MEI4: variants seen among roughly 807,000 people sequenced by gnomAD.
MEI4 encodes the protein meiotic double-stranded break formation protein 4.
A neutral mutation model predicts 31.4 loss-of-function variants in MEI4; 27 were observed. The observed-to-expected ratio is 0.86, with a 90% CI of 0.63 to 1.19. The LOEUF is 1.19. Among genes scored for constraint, MEI4 ranks in the 50% most tolerant of loss-of-function variants. The pLI is 0.00. For missense variants in MEI4, 329 were observed against 398.9 expected (o/e 0.82, Z 1.49); for synonymous variants, 122 against 145.4 (o/e 0.84, Z 1.16).
At chr6:77,906,095 A>G (rs922403059) in intron 4 of MEI4, among the ~76,000 whole-genome samples, 5 of 152,268 alleles carry the variant, frequency 3.3e-5, no homozygotes, top group Non-Finnish European at 5.9e-5. Context: ...GATTTCAATA[A>G]ACTAATTCTG....
chr6:77,695,404 A>G (rs1766000717), intron 2 of MEI4, among the ~76,000 whole-genome samples: 1 of 152,168 alleles, frequency 6.6e-6, no homozygotes, highest in Admixed American at 6.5e-5. Flanking sequence ...TAGGTCTAAC[A>G]TGTAAGTCTT....
intron 4 of MEI4, among the ~76,000 whole-genome samples, chr6:77,900,485 C>T (rs1319013503): frequency 1.3e-5 from 2 of 151,846 alleles, no homozygotes; most frequent in Non-Finnish European, 2.9e-5. Context: ...CAAGAACATA[C>T]GTGCTCCCCT....
chr6:77,879,048 G>C (rs1363956561), intron 4 of MEI4, among the ~76,000 whole-genome samples: 1 of 152,000 alleles, frequency 6.6e-6, no homozygotes, highest in Non-Finnish European at 1.5e-5. Context: ...AAGGAGACCA[G>C]ATATTTATTC....
intron 4 of MEI4, among the ~76,000 whole-genome samples, chr6:77,919,076 T>G (rs922689199): frequency 6.6e-6 from 1 of 151,956 alleles, no homozygotes; most frequent in African/African-American, 2.4e-5. Flanking sequence ...ACTGTCAACA[T>G]TAGACAGATC....
chr6:77,857,976 C>T (rs533985754), intron 4 of MEI4, among the ~76,000 whole-genome samples: 1 of 152,178 alleles, frequency 6.6e-6, no homozygotes, highest in Admixed American at 6.5e-5. Context: ...TGGGTGTGTA[C>T]TTTTTAGTAA....
intron 3 of MEI4, among the ~76,000 whole-genome samples, chr6:77,800,503 G>C (rs531222428): frequency 1.3e-5 from 2 of 152,110 alleles, no homozygotes; most frequent in African/African-American, 4.8e-5. Flanking sequence ...CTGCCTGATT[G>C]CCATGGCAGA....
chr6:77,678,251 T>G (rs1056436994), intron 1 of MEI4, among the ~76,000 whole-genome samples: 3 of 152,220 alleles, frequency 2.0e-5, no homozygotes, highest in African/African-American at 7.2e-5. Context: ...CAGATGTCCC[T>G]TCTGCTGCTA....
At chr6:77,730,636 T>G in intron 2 of MEI4, among the ~76,000 whole-genome samples, 1 of 151,824 alleles carries the variant, frequency 6.6e-6, no homozygotes, top group East Asian at 1.9e-4. Flanking sequence ...TTTTATTTAT[T>G]ATTATTATAC....
chr6:77,779,867 G>A (rs924072283), intron 3 of MEI4, among the ~76,000 whole-genome samples: 2 of 152,146 alleles, frequency 1.3e-5, no homozygotes, highest in Admixed American at 1.3e-4. Flanking sequence ...TTCCTGATGA[G>A]AAAATATCTG....
chr6:77,793,791 C>T (rs755919081), intron 3 of MEI4, among the ~76,000 whole-genome samples: 3 of 151,242 alleles, frequency 2.0e-5, no homozygotes, highest in Non-Finnish European at 2.9e-5. Context: ...CTAATTGATA[C>T]AGAAAAAATT....
chr6:77,733,125 G>T (rs1767062316), intron 2 of MEI4, among the ~76,000 whole-genome samples: 1 of 151,766 alleles, frequency 6.6e-6, no homozygotes, highest in Non-Finnish European at 1.5e-5. Flanking sequence ...TTGGTATCAA[G>T]ATGATGCTGG....
In MEI4 at chr6:77,890,061, G is replaced by A. The variant is rs151324810; in HGVS notation, c.901-33028G>A. Among the ~76,000 whole-genome samples the A allele has an allele frequency of 4.1e-3, 632 of 152,352 alleles. 7 individuals are homozygous for A. The highest frequency in any genetic ancestry group is 0.012 in the African/African-American group (501 of 41,588). ...CATGAAGAACCTATGCTAGCACAAT[G>A]TGGAAGGGAAATGTGGGGTTGCAGT... is the stretch of plus-strand genomic sequence containing the variant. On this transcript the variant is annotated intron_variant, in intron 4 of 4. Coordinates refer to ENST00000684080, the MANE Select transcript of MEI4 (RefSeq NM_001322247.2).
intron 1 of MEI4, among the ~76,000 whole-genome samples, chr6:77,675,262 C>A (rs926898361): frequency 6.6e-6 from 1 of 152,016 alleles, no homozygotes; most frequent in Non-Finnish European, 1.5e-5. Flanking sequence ...TCTTTAGATA[C>A]TAGGAATAGT....
chr6:77,745,770 C>G (rs967253678), intron 2 of MEI4, among the ~76,000 whole-genome samples: 3 of 152,182 alleles, frequency 2.0e-5, no homozygotes, highest in African/African-American at 4.8e-5. Flanking sequence ...AACAAACTCT[C>G]TCTCAGACCA....
At chr6:77,669,041 C>G (rs1768688651) in intron 1 of MEI4, among the ~76,000 whole-genome samples, 1 of 152,146 alleles carries the variant, frequency 6.6e-6, no homozygotes, top group African/African-American at 2.4e-5. Context: ...CTCCAGACTT[C>G]AGCATACAGA....
At chr6:77,908,688 G>A (rs1214493994) in intron 4 of MEI4, among the ~76,000 whole-genome samples, 3 of 152,182 alleles carry the variant, frequency 2.0e-5, no homozygotes, top group East Asian at 1.9e-4. Flanking sequence ...AAAAAAGGCA[G>A]GGGTTGCAAT....
intron 4 of MEI4, among the ~76,000 whole-genome samples, chr6:77,883,002 AT>A (rs983336472): frequency 5.2e-4 from 79 of 151,982 alleles, no homozygotes; most frequent in African/African-American, 1.2e-3. Context: ...TACTATGGAC[AT>A]TTTTTTTCCA....
At chr6:77,914,760 G>A (rs997325375) in intron 4 of MEI4, among the ~76,000 whole-genome samples, 2 of 152,076 alleles carry the variant, frequency 1.3e-5, no homozygotes, top group Non-Finnish European at 2.9e-5. Flanking sequence ...AGACAATGGT[G>A]TTGGGTACAT....
At chr6:77,766,277 A>G (rs1353812405) in intron 3 of MEI4, among the ~76,000 whole-genome samples, 2 of 152,176 alleles carry the variant, frequency 1.3e-5, no homozygotes, top group African/African-American at 4.8e-5. Flanking sequence ...GCTATGTTGC[A>G]TCTCTGATAT....
Sources: gnomAD v4.1 joint callset for allele counts (sites outside exome capture counted in the v4.1 genomes callset) on GRCh38, gnomAD v4.1.1 for gene constraint, MANE v1.5 for transcripts, NCBI Gene and HGNC (gene_info 2026-07-23, HGNC 2026-07-21) for gene names.